The following PAM variants were observed in gnomAD, a reference collection of about 807,000 sequenced individuals.
PAM encodes the protein peptidyl-glycine alpha-amidating monooxygenase.
In PAM, 72 loss-of-function variants were observed where a neutral mutation model predicts 122.1. The ratio of observed to expected loss-of-function variants is 0.59; its 90% CI spans 0.49 to 0.72. PAM has a LOEUF of 0.72. PAM is among the 30% of genes least tolerant of loss of function. PAM has a pLI of 0.00. For synonymous variants in PAM, 389 were observed against 404.4 expected, an observed-to-expected ratio of 0.96 and a Z score of 0.46; for missense variants, 1,106 against 1,183.7, an observed-to-expected ratio of 0.93 and a Z score of 0.96.
At chr5:102,899,397 A>G (rs901698144) in intron 3 of PAM, among the ~76,000 whole-genome samples, 2 of 151,624 alleles carry the variant, frequency 1.3e-5, no homozygotes, top group African/African-American at 4.8e-5. Context: ...ATGTATGCCT[A>G]TAACTTCCCT....
intron 12 of PAM, among the ~76,000 whole-genome samples, chr5:102,955,851 A>T (rs1760547994): frequency 6.6e-6 from 1 of 151,986 alleles, no homozygotes; most frequent in South Asian, 2.1e-4. Context: ...TCCCTTAGGA[A>T]TACAGAAAGC....
intron 4 of PAM, among the ~76,000 whole-genome samples, chr5:102,903,182 A>G (rs1798521060): frequency 6.6e-6 from 1 of 151,468 alleles, no homozygotes; most frequent in South Asian, 2.1e-4. Context: ...TATTTTCAGT[A>G]TTTCTTCCTT....
At chr5:102,888,792 CTTTT>C (rs200044890) in intron 3 of PAM, among the ~76,000 whole-genome samples, 1 of 151,516 alleles carries the variant, frequency 6.6e-6, no homozygotes, top group Non-Finnish European at 1.5e-5. Flanking sequence ...CTTTTGTTTC[CTTTT>C]TTTTCTTTAA....
At position 102,973,686 on chromosome 5, in the gene PAM, C is replaced by G. The variant is rs78395665; in HGVS notation, c.1163-430C>G. Among the ~76,000 whole-genome samples, 647 of 152,212 alleles carry G rather than the reference C, an allele frequency of 4.3e-3. 6 individuals carry two copies. Among genetic ancestry groups the G allele is most frequent in the African/African-American group, 0.014 (570 of 41,548 alleles). On this transcript the variant is annotated intron_variant, in intron 14 of 25. Transcript: ENST00000438793. ...TTTCCTGCTCAAGAAATGTATATTT[C>G]ATTTCTTGTGGCTTGCACTTCAATA... is the stretch of plus-strand genomic sequence containing the variant.
intron 1 of PAM, among the ~76,000 whole-genome samples, chr5:102,763,947 G>T (rs550212251): frequency 3.3e-5 from 5 of 152,232 alleles, no homozygotes; most frequent in Non-Finnish European, 4.4e-5. Flanking sequence ...GGATTGGGGT[G>T]TGCATGTCAG....
chr5:102,895,538 A>G (rs932540400), intron 3 of PAM, among the ~76,000 whole-genome samples: 5 of 151,732 alleles, frequency 3.3e-5, no homozygotes, highest in Admixed American at 1.3e-4. Context: ...TGAGATGACT[A>G]TGGCAAGATA....
intron 1 of PAM, among the ~76,000 whole-genome samples, chr5:102,850,417 T>G (rs1002199034): frequency 6.6e-6 from 1 of 152,234 alleles, no homozygotes; most frequent in African/African-American, 2.4e-5. Flanking sequence ...TAGAGTTATC[T>G]GGCTTGTCTG....
chr5:102,771,540 G>A (rs190743829), intron 1 of PAM, among the ~76,000 whole-genome samples: 17 of 152,202 alleles, frequency 1.1e-4, no homozygotes, highest in African/African-American at 3.9e-4. Context: ...AACAACCTTG[G>A]TGAAGATGTG....
At chr5:102,848,641 G>T (rs1780567610) in intron 1 of PAM, among the ~76,000 whole-genome samples, 1 of 152,108 alleles carries the variant, frequency 6.6e-6, no homozygotes, top group Non-Finnish European at 1.5e-5. Flanking sequence ...GAAAAAGAGA[G>T]AAAAGAACTC....
chr5:102,799,427 A>T (rs922900629), intron 1 of PAM, among the ~76,000 whole-genome samples: 1 of 152,188 alleles, frequency 6.6e-6, no homozygotes, highest in Non-Finnish European at 1.5e-5. Context: ...GCAAATTTTC[A>T]TGCATAACAC....
intron 12 of PAM, among the ~76,000 whole-genome samples, chr5:102,953,393 A>G (rs145891408): frequency 5.9e-5 from 9 of 152,318 alleles, no homozygotes; most frequent in Admixed American, 1.3e-4. Flanking sequence ...AGGGGGGGGA[A>G]TCCTGTCATT....
chr5:103,006,886 T>G lies in PAM; in HGVS notation c.1889T>G (p.Phe630Cys). 6.2e-7 allele frequency: 1 copy of G among 1,613,982 alleles called. No individual in the cohort carries two copies. Among genetic ancestry groups the G allele is most frequent in the Non-Finnish European group, 8.5e-7 (1 of 1,179,874 alleles). ...SMQPGSDQNH[F>C]CQPTDVAVDP... ...CAACCAGGCAGTGACCAGAATCACT[T>G]CTGTCAACCCACTGATGTGGCTGTG... The change falls in exon 19 of 26, where the codon TTC becomes TGC. Residue 630 changes from phenylalanine to cysteine, a missense_variant. Phe to Cys is a radical substitution (Grantham distance 205). Transcript: ENST00000438793.
intron 16 of PAM, among the ~76,000 whole-genome samples, chr5:103,002,757 C>T (rs1562205444): frequency 6.6e-6 from 1 of 152,114 alleles, no homozygotes. Context: ...AGGAACCACC[C>T]AAGGGTCTTG....
chr5:102,911,369 TTC>T (rs1281616663), intron 4 of PAM, among the ~76,000 whole-genome samples: 4 of 151,970 alleles, frequency 2.6e-5, no homozygotes, highest in African/African-American at 9.7e-5. Context: ...CTGAAGAATT[TTC>T]TTTTTCTACC....
chr5:102,829,600 T>G lies in PAM; in HGVS notation c.-373-36223T>G, dbSNP rs111935281. Among the ~76,000 whole-genome samples, 725 of 152,262 alleles carry G rather than the reference T, an allele frequency of 4.8e-3. 4 individuals carry two copies. Among genetic ancestry groups the G allele is most frequent in the Non-Finnish European group, 7.6e-3 (514 of 68,014 alleles). ...CATGTTAGCCAGGATGGTCTCGATC[T>G]CCTGACCTCATGATCCGCTGGCCTC... is the stretch of plus-strand genomic sequence containing the variant. On this transcript the variant is annotated intron_variant, in intron 1 of 25. Coordinates refer to ENST00000438793, the MANE Select transcript of PAM (RefSeq NM_001177306.2).
intron 3 of PAM, among the ~76,000 whole-genome samples, chr5:102,894,561 A>G (rs1430843582): frequency 2.6e-5 from 4 of 151,438 alleles, no homozygotes; most frequent in Non-Finnish European, 5.9e-5. Context: ...CCCAATTACT[A>G]TCCAATTTTT....
chr5:102,780,225 A>ATCC (rs1398449554), intron 1 of PAM, among the ~76,000 whole-genome samples: 3 of 151,990 alleles, frequency 2.0e-5, no homozygotes, highest in Non-Finnish European at 2.9e-5. Context: ...ATTCAGCACT[A>ATCC]TCCACAGTTT....
chr5:102,908,632 G>T (rs1800406282), intron 4 of PAM, among the ~76,000 whole-genome samples: 1 of 151,430 alleles, frequency 6.6e-6, no homozygotes, highest in African/African-American at 2.4e-5. Flanking sequence ...ACGAGTTAGT[G>T]GGTGCAGCGC....
rs567146138 is a variant in PAM at position 102,990,417 on chromosome 5, T to C, written c.1613+16T>C. 18 of 1,559,090 alleles carry C rather than the reference T, an allele frequency of 1.2e-5. No individual in the cohort carries two copies. In the South Asian group the frequency reaches 2.1e-4, roughly 19 times the overall value. On this transcript the variant is annotated intron_variant, in intron 16 of 25. Transcript: ENST00000438793. ...GGGATGGAAAGTAAGTAATATTTTT[T>C]CTTCAATAAGCAAATGAAAATAAAA... is the stretch of plus-strand genomic sequence containing the variant.
Sources: gnomAD v4.1 joint callset for allele counts (sites outside exome capture counted in the v4.1 genomes callset) on GRCh38, gnomAD v4.1.1 for gene constraint, MANE v1.5 for transcripts, NCBI Gene and HGNC (gene_info 2026-07-23, HGNC 2026-07-21) for gene names.